Variants in ADGRA1 observed in about 807,000 individuals in gnomAD.
ADGRA1 encodes adhesion G protein-coupled receptor A1.
A neutral mutation model predicts 21.3 loss-of-function variants in ADGRA1; 12 were observed. The ratio of observed to expected loss-of-function variants is 0.56; its 90% CI spans 0.36 to 0.91. The LOEUF is 0.91. ADGRA1 is among the 40% of genes least tolerant of loss of function. The pLI is 0.01. For synonymous variants in ADGRA1, 385 were observed against 368.8 expected (o/e 1.04, Z -0.50); for missense variants, 790 against 805.6 (o/e 0.98, Z 0.23).
Position 133,129,433 on chromosome 10 carries a change from G to A in ADGRA1, c.1605G>A (p.Leu535=), listed in dbSNP as rs752006714. ...AGAACGGGCTGCCCAAGGGTAAATT[G>A]CTAGAAGGCCTGCCGTTTGGCACCG... is the stretch of plus-strand genomic sequence containing the variant. ...PSQNGLPKGK[L]LEGLPFGTDG... is the part of the protein sequence containing the mutation. Residue 535 remains leucine, a synonymous_variant, in exon 7 of 7, where the codon TTG becomes TTA. Transcript: ENST00000392607. The A allele has an allele frequency of 6.2e-7, 1 of 1,604,102 alleles. No individual in the cohort carries two copies. The highest frequency in any genetic ancestry group is 1.1e-5 in the South Asian group (1 of 91,062).
At chr10:133,107,805 G>A (rs9419105) in intron 5 of ADGRA1, among the ~76,000 whole-genome samples, 1 of 152,022 alleles carries the variant, frequency 6.6e-6, no homozygotes, top group African/African-American at 2.4e-5. Flanking sequence ...TAGATAGTCA[G>A]GGAAAAAACC....
At chr10:133,104,527 C>A in intron 5 of ADGRA1, among the ~76,000 whole-genome samples, 1 of 152,146 alleles carries the variant, frequency 6.6e-6, no homozygotes, top group Non-Finnish European at 1.5e-5. Flanking sequence ...GCGGACCCAG[C>A]GACGGCAAGG....
At chr10:133,106,134 T>C (rs1362561355) in intron 5 of ADGRA1, among the ~76,000 whole-genome samples, 1 of 152,148 alleles carries the variant, frequency 6.6e-6, no homozygotes, top group Non-Finnish European at 1.5e-5. Context: ...GGCAGTGGCC[T>C]GATGGGGATC....
chr10:133,112,356 T>C (rs1238699748), intron 5 of ADGRA1, among the ~76,000 whole-genome samples: 15 of 151,404 alleles, frequency 9.9e-5, no homozygotes, highest in African/African-American at 2.9e-4. Flanking sequence ...CGTCAGTTAT[T>C]TGGGGTCTGC....
intron 5 of ADGRA1, among the ~76,000 whole-genome samples, chr10:133,123,033 C>A (rs192721592): frequency 1.3e-5 from 2 of 152,186 alleles, no homozygotes; most frequent in Non-Finnish European, 2.9e-5. Flanking sequence ...CCGCTTCTGG[C>A]GAGACCACGG....
chr10:133,124,413 C>T (rs1177183656), intron 5 of ADGRA1, among the ~76,000 whole-genome samples: 6 of 152,192 alleles, frequency 3.9e-5, no homozygotes, highest in African/African-American at 7.2e-5. Flanking sequence ...GATTCAGATC[C>T]GCCCTCCCTT....
At chr10:133,098,303 C>T (rs938113126) in intron 3 of ADGRA1, among the ~76,000 whole-genome samples, 10 of 152,280 alleles carry the variant, frequency 6.6e-5, no homozygotes, top group South Asian at 2.1e-4. Flanking sequence ...CCAGGGGGTG[C>T]GGCCTCTATC....
At chr10:133,092,168 A>C (rs1457102507) in intron 2 of ADGRA1, among the ~76,000 whole-genome samples, 2 of 152,254 alleles carry the variant, frequency 1.3e-5, no homozygotes, top group Non-Finnish European at 2.9e-5. Context: ...AGGGCCTCTC[A>C]CAGGGCGTAA....
chr10:133,112,468 G>A (rs984779229), intron 5 of ADGRA1, among the ~76,000 whole-genome samples: 1 of 148,004 alleles, frequency 6.8e-6, no homozygotes, highest in Non-Finnish European at 1.5e-5. Flanking sequence ...AGTTATTTGG[G>A]GTCTGCGGGC....
intron 5 of ADGRA1, among the ~76,000 whole-genome samples, chr10:133,107,462 T>C (rs868498908): frequency 3.9e-5 from 6 of 152,216 alleles, no homozygotes; most frequent in East Asian, 1.9e-4. Flanking sequence ...TTGAGTTTCA[T>C]TGATGGTCTT....
chr10:133,101,503 G>T (rs1285913870), intron 4 of ADGRA1, among the ~76,000 whole-genome samples: 1 of 152,214 alleles, frequency 6.6e-6, no homozygotes, highest in Admixed American at 6.5e-5. Flanking sequence ...AGGACTCAGA[G>T]CTCTGCCACG....
chr10:133,100,685 G>C lies in ADGRA1; in HGVS notation c.255+1922G>C, dbSNP rs1851775992. 2.0e-5 allele frequency among the ~76,000 whole-genome samples: 3 copies of C among 152,260 alleles called. No homozygotes were observed. The South Asian group carries it at 6.2e-4, about 32-fold the overall frequency. ...CTCCAGATGCTGTCCTGATCTCCCA[G>C]GGAGCACGATCCACTCACTCGCTCA... On this transcript the variant is annotated intron_variant, in intron 4 of 6. Coordinates refer to ENST00000392607, the MANE Select transcript of ADGRA1 (RefSeq NM_001083909.3).
chr10:133,107,285 A>G (rs1365281248), intron 5 of ADGRA1, among the ~76,000 whole-genome samples: 1 of 152,188 alleles, frequency 6.6e-6, no homozygotes, highest in Non-Finnish European at 1.5e-5. Flanking sequence ...CGCCATCTGT[A>G]CATAAGGATA....
At chr10:133,119,628 T>C (rs558708486) in intron 5 of ADGRA1, among the ~76,000 whole-genome samples, 22 of 152,232 alleles carry the variant, frequency 1.4e-4, no homozygotes, top group Non-Finnish European at 2.4e-4. Flanking sequence ...CAGGAGCAGA[T>C]TGCATCCCAA....
At chr10:133,105,588 C>T (rs1243521448) in intron 5 of ADGRA1, among the ~76,000 whole-genome samples, 4 of 152,236 alleles carry the variant, frequency 2.6e-5, no homozygotes, top group Admixed American at 1.3e-4. Flanking sequence ...AATGTTGCTG[C>T]GCTGGTGTCC....
intron 4 of ADGRA1, among the ~76,000 whole-genome samples, chr10:133,099,370 G>T (rs564924313): frequency 2.0e-5 from 3 of 152,170 alleles, no homozygotes; most frequent in Non-Finnish European, 2.9e-5. Flanking sequence ...AGATGCTGCC[G>T]CCTGAGTCAC....
At chr10:133,117,356 G>T (rs771128482) in intron 5 of ADGRA1, among the ~76,000 whole-genome samples, 1 of 152,182 alleles carries the variant, frequency 6.6e-6, no homozygotes, top group Non-Finnish European at 1.5e-5. Flanking sequence ...GAGTGCCCGG[G>T]GTGCCCAGCA....
chr10:133,112,882 TGCGGGCCGC>T, intron 5 of ADGRA1, among the ~76,000 whole-genome samples: 1 of 144,534 alleles, frequency 6.9e-6, no homozygotes, highest in Non-Finnish European at 1.5e-5. Context: ...ATTTGGGGTC[TGCGGGCCGC>T]GTCAGTTCGG....
In ADGRA1 at chr10:133,130,426, G is replaced by A. The variant is rs935639500; in HGVS notation, c.*915G>A. The A allele has an allele frequency of 1.3e-5, 2 of 152,224 alleles. No individual in the cohort carries two copies. The highest frequency in any genetic ancestry group is 1.5e-5 in the Non-Finnish European group (1 of 68,034). The allele number at this position is 152,224 out of a possible 1,614,324, so 9.4% of individuals were successfully genotyped here. A position where few individuals can be genotyped will look rare whatever the true frequency, so the allele number is the denominator to read the frequency against. ...CCAAAAAGAAAAGGGGCTGACAGAC[G>A]GGAGATTCTCATGGACAAAATCCCT... On this transcript the variant is annotated 3_prime_UTR_variant, in exon 7 of 7. Transcript: ENST00000392607.
Sources: gnomAD v4.1 joint callset for allele counts (sites outside exome capture counted in the v4.1 genomes callset) on GRCh38, gnomAD v4.1.1 for gene constraint, MANE v1.5 for transcripts, NCBI Gene and HGNC (gene_info 2026-07-23, HGNC 2026-07-21) for gene names.